The following SHISA9 variants were observed in gnomAD, a reference collection of about 807,000 sequenced individuals.
SHISA9 encodes the protein shisa family member 9.
In SHISA9, 13 loss-of-function variants were observed where a neutral mutation model predicts 38.0. That is an observed-to-expected ratio of 0.34 (90% confidence interval 0.22 to 0.54). SHISA9 has a LOEUF of 0.54. Ranked by LOEUF, SHISA9 falls within the 20% of genes least tolerant of loss-of-function variation. The pLI, the probability that SHISA9 is intolerant of heterozygous loss-of-function variation, is 0.91. For synonymous variants in SHISA9, 275 were observed against 242.0 expected (o/e 1.14, Z -1.27); for missense variants, 538 against 575.8 (o/e 0.93, Z 0.67).
rs569438840 is a variant in SHISA9 at position 13,226,792 on chromosome 16, A to C, written c.896-8238A>C. 4.6e-5 allele frequency among the ~76,000 whole-genome samples: 7 copies of C among 152,302 alleles called. No individual in the cohort carries two copies. The South Asian group carries it at 1.5e-3, about 32-fold the overall frequency. ...TAGCAGTTGGTTAGTTGTGTTGAAC[A>C]GGGGTAACTGGTCTATGGGTTTCTC... is the stretch of plus-strand genomic sequence containing the variant. On this transcript the variant is annotated intron_variant, in intron 4 of 4. Transcript: ENST00000558583.
At chr16:13,256,332 A>G in the SHISA9 span, among the ~76,000 whole-genome samples, 1 of 152,126 alleles carries the variant, frequency 6.6e-6, no homozygotes, top group African/African-American at 2.4e-5. Context: ...CCCAGGCTGG[A>G]GTGCAATGGT....
At chr16:13,019,943 CTTTCTTTCTT>C (rs2072825971) in intron 2 of SHISA9, among the ~76,000 whole-genome samples, 1 of 93,562 alleles carries the variant, frequency 1.1e-5, no homozygotes, top group Non-Finnish European at 2.3e-5. Context: ...TTCTTTCTTT[CTTTCTTTCTT>C]TCTTTCCCTC....
intron 2 of SHISA9, among the ~76,000 whole-genome samples, chr16:13,102,469 G>A (rs114972521): frequency 0.016 from 2,489 of 152,208 alleles, 50 homozygotes; most frequent in African/African-American, 0.055. Flanking sequence ...GGTGAACTCC[G>A]TGGCCACTGA....
At chr16:13,467,796 A>G in the SHISA9 span, among the ~76,000 whole-genome samples, 3 of 152,196 alleles carry the variant, frequency 2.0e-5, 1 homozygote, top group Non-Finnish European at 2.9e-5. Context: ...GCCACCAGCC[A>G]TATTTCTTGC....
chr16:13,217,618 G>T (rs1217525596), intron 4 of SHISA9, among the ~76,000 whole-genome samples: 1 of 152,146 alleles, frequency 6.6e-6, no homozygotes, highest in African/African-American at 2.4e-5. Flanking sequence ...ACAGGGCTTG[G>T]CTTGGTATAT....
intron 2 of SHISA9, among the ~76,000 whole-genome samples, chr16:13,053,075 T>C (rs897091092): frequency 3.3e-5 from 5 of 150,888 alleles, no homozygotes; most frequent in African/African-American, 1.2e-4. Context: ...GCAATTCTCA[T>C]GTCCCATTCT....
intron 2 of SHISA9, among the ~76,000 whole-genome samples, chr16:13,199,864 C>T (rs1245927379): frequency 1.3e-5 from 2 of 152,174 alleles, no homozygotes; most frequent in Non-Finnish European, 2.9e-5. Flanking sequence ...AATGAGCCCT[C>T]GCTAGCTGGG....
chr16:13,123,309 AATTC>A (rs1166273291), intron 2 of SHISA9, among the ~76,000 whole-genome samples: 5 of 152,252 alleles, frequency 3.3e-5, no homozygotes, highest in African/African-American at 7.2e-5. Context: ...AACAAGGATA[AATTC>A]ATTCATTCAT....
the SHISA9 span, among the ~76,000 whole-genome samples, chr16:13,297,159 T>G: frequency 6.6e-6 from 1 of 152,170 alleles, no homozygotes; most frequent in African/African-American, 2.4e-5. Flanking sequence ...ACACTGATGT[T>G]CAATAGCATT....
At chr16:13,538,809 C>G in the SHISA9 span, among the ~76,000 whole-genome samples, 1 of 152,172 alleles carries the variant, frequency 6.6e-6, no homozygotes, top group Non-Finnish European at 1.5e-5. Context: ...TCAATTCTCT[C>G]CCCTTGATTG....
chr16:13,386,836 G>T, the SHISA9 span, among the ~76,000 whole-genome samples: 1 of 152,000 alleles, frequency 6.6e-6, no homozygotes, highest in Non-Finnish European at 1.5e-5. Flanking sequence ...AGTATTCCAT[G>T]GTATGGTTAT....
At chr16:13,029,165 T>C (rs1567187861) in intron 2 of SHISA9, among the ~76,000 whole-genome samples, 1 of 152,216 alleles carries the variant, frequency 6.6e-6, no homozygotes, top group Non-Finnish European at 1.5e-5. Context: ...AGGAAATCAG[T>C]ATATCAAAGA....
chr16:13,553,581 T>C, the SHISA9 span, among the ~76,000 whole-genome samples: 2 of 152,094 alleles, frequency 1.3e-5, no homozygotes, highest in African/African-American at 4.8e-5. Flanking sequence ...AAGATTAGAT[T>C]GGAACTCCAG....
chr16:13,337,905 T>C, the SHISA9 span, among the ~76,000 whole-genome samples: 11 of 152,160 alleles, frequency 7.2e-5, no homozygotes, highest in African/African-American at 2.4e-4. Flanking sequence ...ACCAGGATTC[T>C]AAGTTTCCTG....
chr16:13,266,869 C>T, the SHISA9 span, among the ~76,000 whole-genome samples: 3 of 152,096 alleles, frequency 2.0e-5, no homozygotes, highest in Non-Finnish European at 4.4e-5. Flanking sequence ...TTATTTAGTA[C>T]CCACTGCTGG....
chr16:13,095,969 G>C (rs73520651), intron 2 of SHISA9, among the ~76,000 whole-genome samples: 4,909 of 152,276 alleles, frequency 0.032, 266 homozygotes, highest in African/African-American at 0.11. Flanking sequence ...AGGTGATGCT[G>C]TTGCTGCTGG....
chr16:13,196,986 G>A (rs1168245192), intron 2 of SHISA9, among the ~76,000 whole-genome samples: 4 of 151,974 alleles, frequency 2.6e-5, no homozygotes, highest in Admixed American at 6.6e-5. Context: ...CCAGCTACTC[G>A]GAGGCTGAGA....
the SHISA9 span, among the ~76,000 whole-genome samples, chr16:13,472,686 C>T: frequency 6.6e-6 from 1 of 152,008 alleles, no homozygotes; most frequent in African/African-American, 2.4e-5. Context: ...GCCACAATGC[C>T]CGGCCTCTGC....
the SHISA9 span, among the ~76,000 whole-genome samples, chr16:13,489,376 C>G: frequency 1.1e-3 from 161 of 152,252 alleles, no homozygotes; most frequent in African/African-American, 3.6e-3. Context: ...AGACTTGTAT[C>G]TCTGTTGTTA....
Sources: allele counts gnomAD v4.1 joint callset (sites outside exome capture counted in the v4.1 genomes callset), GRCh38; gene constraint gnomAD v4.1.1; transcripts MANE v1.5; gene names NCBI Gene and HGNC (gene_info 2026-07-23, HGNC 2026-07-21).